The following FRAS1 variants were observed in gnomAD, a reference collection of about 807,000 sequenced individuals.
FRAS1 encodes extracellular matrix organizing protein FRAS1.
A neutral mutation model predicts 435.2 loss-of-function variants in FRAS1; 290 were observed. The ratio of observed to expected loss-of-function variants is 0.67; its 90% CI spans 0.61 to 0.73. FRAS1 has a LOEUF of 0.73. Ranked by LOEUF, FRAS1 falls within the 30% of genes least tolerant of loss-of-function variation. FRAS1 has a pLI of 0.00. For synonymous variants in FRAS1, 1,800 were observed against 1,851.0 expected (o/e 0.97, Z 0.71); for missense variants, 4,860 against 5,001.5 (o/e 0.97, Z 0.85).
In FRAS1 at chr4:78,541,246, C is replaced by T. The variant is rs886059648; in HGVS notation, c.*122C>T. 2.2e-5 allele frequency: 12 copies of T among 537,412 alleles called. No individual in the cohort carries two copies. In the South Asian group the frequency reaches 6.8e-4, roughly 31 times the overall value. 33.3% of individuals were successfully genotyped at this position (537,412 alleles called of 1,614,324 possible). A position where few individuals can be genotyped will look rare whatever the true frequency, so the allele number is the denominator to read the frequency against. On this transcript the variant is annotated 3_prime_UTR_variant, in exon 74 of 74. Coordinates refer to ENST00000512123, the MANE Select transcript of FRAS1 (RefSeq NM_025074.7). ...CTATAGCTTTGAGTGGCAGACAGCACACATCACATGCATCAACTCACAACT... is the reference window on the plus strand; with the variant it reads ...CTATAGCTTTGAGTGGCAGACAGCATACATCACATGCATCAACTCACAACT...
rs1386327409 is a variant in FRAS1 at position 78,142,561 on chromosome 4, T to A, written c.108+76545T>A. On this transcript the variant is annotated intron_variant, in intron 2 of 73. Transcript: ENST00000512123. Reference sequence around the variant, plus strand: ...TATCAGATATAGTCTTTAAAATAACTATGATTAATATGTTCAAGCTCTCAG... The same window carrying A: ...TATCAGATATAGTCTTTAAAATAACAATGATTAATATGTTCAAGCTCTCAG... Among the ~76,000 whole-genome samples the A allele has an allele frequency of 2.6e-5, 4 of 152,046 alleles. No homozygotes were observed. In the South Asian group the frequency reaches 8.3e-4, roughly 32 times the overall value.
chr4:78,185,753 T>A (rs374912706), intron 2 of FRAS1, among the ~76,000 whole-genome samples: 8 of 152,226 alleles, frequency 5.3e-5, no homozygotes, highest in African/African-American at 1.7e-4. Flanking sequence ...ATAAGTGCAA[T>A]TTGCCTACTT....
chr4:78,519,313 A>T lies in FRAS1; in HGVS notation c.10390-18A>T, dbSNP rs146407399. 1,147 of 1,510,632 alleles carry T rather than the reference A, an allele frequency of 7.6e-4. 7 individuals carry two copies. The Middle Eastern group carries it at 0.013, about 17-fold the overall frequency. 93.6% of individuals were successfully genotyped at this position (1,510,632 alleles called of 1,614,324 possible). The stretch of plus-strand genomic sequence containing the variant: ...CCAGGGGAGAAATAACTCTGTGTGC[A>T]TACTGCTTCCTCGGCAGGTGAGGGA... On this transcript the variant is annotated intron_variant, in intron 66 of 73. Transcript: ENST00000512123.
intron 4 of FRAS1, among the ~76,000 whole-genome samples, chr4:78,247,358 T>G (rs1001749803): frequency 2.0e-5 from 3 of 152,182 alleles, no homozygotes; most frequent in Non-Finnish European, 4.4e-5. Flanking sequence ...TTGATGTAAC[T>G]GAGCAAAAGG....
intron 14 of FRAS1, among the ~76,000 whole-genome samples, chr4:78,306,024 C>T (rs1027666697): frequency 1.3e-4 from 19 of 151,974 alleles, no homozygotes; most frequent in African/African-American, 2.4e-4. Flanking sequence ...CCATGTTTAG[C>T]GCTTCCTTCA....
At chr4:78,307,685 G>C (rs999979241) in intron 14 of FRAS1, among the ~76,000 whole-genome samples, 8 of 152,244 alleles carry the variant, frequency 5.3e-5, no homozygotes, top group African/African-American at 1.7e-4. Flanking sequence ...GCGCTTCCCA[G>C]GTGAGGCAAT....
chr4:78,298,042 A>G (rs1049036435), intron 14 of FRAS1, among the ~76,000 whole-genome samples: 2 of 137,996 alleles, frequency 1.4e-5, no homozygotes, highest in African/African-American at 2.7e-5. Flanking sequence ...ATATATATAT[A>G]TATATATATA....
chr4:78,438,438 A>C, intron 38 of FRAS1, 132 bp from the exon 39 acceptor site: 1 of 838,506 alleles, frequency 1.2e-6, no homozygotes, highest in African/African-American at 1.7e-5. Context: ...ACAAAGAGAA[A>C]GAGACTTTAA....
chr4:78,191,667 A>G (rs1317743891), intron 2 of FRAS1, among the ~76,000 whole-genome samples: 2 of 151,432 alleles, frequency 1.3e-5, no homozygotes, highest in Non-Finnish European at 2.9e-5. Context: ...CATTAGGTAT[A>G]TCTCCTAATG....
intron 2 of FRAS1, among the ~76,000 whole-genome samples, chr4:78,080,247 C>T (rs995352441): frequency 3.3e-5 from 5 of 152,100 alleles, no homozygotes; most frequent in Non-Finnish European, 7.4e-5. Context: ...GATTTATTCC[C>T]CTGGGGAACA....
intron 29 of FRAS1, among the ~76,000 whole-genome samples, chr4:78,395,710 A>G (rs1732631442): frequency 6.6e-6 from 1 of 151,906 alleles, no homozygotes; most frequent in Non-Finnish European, 1.5e-5. Context: ...CATGGTATAT[A>G]TTTTTCCATC....
chr4:78,452,419 C>T (rs1719054936), intron 47 of FRAS1, 65 bp downstream of exon 47: 3 of 1,257,114 alleles, frequency 2.4e-6, no homozygotes, highest in African/African-American at 3.0e-5. Context: ...TGAGGGCAGC[C>T]ACATCATGTA....
intron 2 of FRAS1, among the ~76,000 whole-genome samples, chr4:78,171,258 C>T (rs150050557): frequency 6.6e-6 from 1 of 152,210 alleles, no homozygotes; most frequent in African/African-American, 2.4e-5. Flanking sequence ...CTCACCCTCC[C>T]TGTCCCTCTC....
At chr4:78,114,610 C>A (rs567248633) in intron 2 of FRAS1, among the ~76,000 whole-genome samples, 4 of 151,694 alleles carry the variant, frequency 2.6e-5, no homozygotes, top group Admixed American at 6.6e-5. Flanking sequence ...GGGGTTCACT[C>A]ATGATTTGGC....
intron 2 of FRAS1, among the ~76,000 whole-genome samples, chr4:78,067,860 A>AT (rs35606977): frequency 0.012 from 1,635 of 134,390 alleles, 32 homozygotes; most frequent in African/African-American, 0.04. Context: ...CACCCAGCCA[A>AT]TTTTTTTTTT....
At chr4:78,303,639 T>C (rs1307507028) in intron 14 of FRAS1, among the ~76,000 whole-genome samples, 2 of 152,184 alleles carry the variant, frequency 1.3e-5, no homozygotes, top group Non-Finnish European at 2.9e-5. Flanking sequence ...AGTTCACCCA[T>C]TATTTGGCTC....
intron 6 of FRAS1, among the ~76,000 whole-genome samples, chr4:78,263,095 T>C (rs1459223564): frequency 6.6e-6 from 1 of 152,146 alleles, no homozygotes; most frequent in Non-Finnish European, 1.5e-5. Flanking sequence ...TATATGGTGG[T>C]CAGAATGATA....
chr4:78,267,186 TG>T, intron 8 of FRAS1, 54 bp from the exon 9 acceptor site: 2 of 1,557,724 alleles, frequency 1.3e-6, no homozygotes, highest in Non-Finnish European at 1.8e-6. Context: ...TCTGTTGGCT[TG>T]GGTGTTTCAC....
chr4:78,488,927 T>C lies in FRAS1; in HGVS notation c.8805T>C (p.Gly2935=). 6.2e-7 allele frequency: 1 copy of C among 1,613,230 alleles called. No homozygotes were observed. Among genetic ancestry groups the C allele is most frequent in the African/African-American group, 1.3e-5 (1 of 74,974 alleles). ...KDLLLVKEKE[G]VLHVPITRSG... is the part of the protein sequence containing the mutation. ...TGCTCCTAGTGAAGGAGAAGGAGGG[T>C]GTCCTGCATGTCCCTATCACTCGGA... Residue 2935 remains glycine (G), a synonymous_variant, in exon 59 of 74, where the codon GGT becomes GGC. Transcript: ENST00000512123.
Sources: allele counts gnomAD v4.1 joint callset (sites outside exome capture counted in the v4.1 genomes callset), GRCh38; gene constraint gnomAD v4.1.1; transcripts MANE v1.5; gene names NCBI Gene and HGNC (gene_info 2026-07-23, HGNC 2026-07-21).